The following CCSER1 variants were observed in gnomAD, a reference collection of about 807,000 sequenced individuals.
CCSER1 encodes the protein serine-rich coiled-coil domain-containing protein 1.
In CCSER1, 41 loss-of-function variants were observed where a neutral mutation model predicts 82.0. That is an observed-to-expected ratio of 0.50 (90% confidence interval 0.39 to 0.65). The LOEUF (loss-of-function observed/expected upper bound fraction) is 0.65. Among genes scored for constraint, CCSER1 ranks in the 30% least tolerant of loss-of-function variants. CCSER1 has a pLI of 0.00. For synonymous variants in CCSER1, 414 were observed against 383.9 expected, an observed-to-expected ratio of 1.08 and a Z score of -0.92; for missense variants, 1,119 against 1,064.2, an observed-to-expected ratio of 1.05 and a Z score of -0.72.
chr4:90,425,222 T>G (rs767927465), intron 4 of CCSER1, among the ~76,000 whole-genome samples: 2 of 152,178 alleles, frequency 1.3e-5, no homozygotes. Context: ...CTTTCATGAT[T>G]AGTATTTATT....
At chr4:90,745,703 T>G (rs1393710794) in intron 7 of CCSER1, among the ~76,000 whole-genome samples, 3 of 111,710 alleles carry the variant, frequency 2.7e-5, no homozygotes, top group African/African-American at 1.1e-4. Context: ...TTTTTTTTTT[T>G]TTTTGAGACG....
intron 7 of CCSER1, chr4:90,725,060 A>G (rs1412895637): frequency 7.2e-6 from 3 of 417,288 alleles, no homozygotes; most frequent in Non-Finnish European, 1.4e-5. Context: ...TAAATACTGA[A>G]TGATATTCTG....
rs181275581 is a variant in CCSER1, at chr4:90,213,784, T to A, written c.-42+85953T>A. 5.3e-5 allele frequency among the ~76,000 whole-genome samples: 8 copies of A among 152,284 alleles called. No homozygotes were observed. The East Asian group carries it at 1.2e-3, about 22-fold the overall frequency. ...AGGTGAGGACTGAATTTAGCAGTGG[T>A]CTTAGCAATATGAAGATCATTCATT... On this transcript the variant is annotated intron_variant, in intron 1 of 10. Coordinates refer to ENST00000509176, the MANE Select transcript of CCSER1 (RefSeq NM_001145065.2).
intron 10 of CCSER1, among the ~76,000 whole-genome samples, chr4:91,503,215 G>T (rs1032057870): frequency 1.3e-5 from 2 of 151,722 alleles, no homozygotes; most frequent in Non-Finnish European, 2.9e-5. Flanking sequence ...GGTGGCGGGC[G>T]CCTGTGGTCC....
chr4:90,810,644 TCAACAACAA>T lies in CCSER1; in HGVS notation c.2011-5089_2011-5081del, dbSNP rs34797230. On this transcript the variant is annotated intron_variant, in intron 7 of 10. Transcript: ENST00000509176. ...TGGGCAACAAGAGCGAGACTCCCTC[TCAACAACAA>T]CAACAACAACAACAACAACAACAAC... Among the ~76,000 whole-genome samples the T allele has an allele frequency of 2.9e-4, 37 of 128,550 alleles. No homozygotes were observed. In the East Asian group the frequency reaches 3.1e-3, roughly 11 times the overall value. The allele number at this position is 128,550 out of a possible 152,430, so 84.3% of individuals were successfully genotyped here. A position where few individuals can be genotyped will look rare whatever the true frequency, so the allele number is the denominator to read the frequency against.
chr4:91,251,079 A>T lies in CCSER1; in HGVS notation c.2217+165085A>T, dbSNP rs1339654401. On this transcript the variant is annotated intron_variant, in intron 10 of 10. Transcript: ENST00000509176. Reference sequence around the variant, plus strand: ...ATTGTCCTCACTATAGAGAGGAAGAACACTGAAACAATGAGAATCTGTCAA... The same window carrying T: ...ATTGTCCTCACTATAGAGAGGAAGATCACTGAAACAATGAGAATCTGTCAA... Among the ~76,000 whole-genome samples, 3 of 152,204 alleles carry T rather than the reference A, an allele frequency of 2.0e-5. No homozygotes were observed. The East Asian group carries it at 5.8e-4, about 29-fold the overall frequency.
intron 5 of CCSER1, among the ~76,000 whole-genome samples, chr4:90,560,263 A>G (rs1489985180): frequency 6.6e-6 from 1 of 151,998 alleles, no homozygotes; most frequent in Non-Finnish European, 1.5e-5. Flanking sequence ...GAGAATATCC[A>G]AATATTCTCT....
intron 10 of CCSER1, among the ~76,000 whole-genome samples, chr4:91,143,202 G>C (rs150724699): frequency 6.7e-6 from 1 of 149,904 alleles, no homozygotes; most frequent in African/African-American, 2.4e-5. Flanking sequence ...TCACCTCCTT[G>C]GTTAGATGTG....
At chr4:91,538,559 A>T (rs1379441840) in intron 10 of CCSER1, among the ~76,000 whole-genome samples, 1 of 151,488 alleles carries the variant, frequency 6.6e-6, no homozygotes, top group Non-Finnish European at 1.5e-5. Flanking sequence ...ACAGACATAG[A>T]GAGGTACACC....
intron 5 of CCSER1, among the ~76,000 whole-genome samples, chr4:90,531,088 G>T (rs1024242119): frequency 3.3e-5 from 5 of 151,998 alleles, no homozygotes; most frequent in African/African-American, 1.2e-4. Context: ...TGTAACATCT[G>T]TGAATTAGTT....
chr4:90,198,277 A>G (rs1166949127), intron 1 of CCSER1, among the ~76,000 whole-genome samples: 1 of 152,028 alleles, frequency 6.6e-6, no homozygotes, highest in Non-Finnish European at 1.5e-5. Flanking sequence ...TTCCCCTGGC[A>G]AATACTCCCC....
intron 5 of CCSER1, among the ~76,000 whole-genome samples, chr4:90,498,599 T>C (rs1184644495): frequency 6.6e-6 from 1 of 152,188 alleles, no homozygotes; most frequent in Admixed American, 6.5e-5. Flanking sequence ...TATAATGGCA[T>C]GATTATTCCA....
chr4:91,233,075 C>T (rs891189888), intron 10 of CCSER1, among the ~76,000 whole-genome samples: 40 of 151,406 alleles, frequency 2.6e-4, no homozygotes, highest in Non-Finnish European at 5.0e-4. Flanking sequence ...ATATGCTTCT[C>T]TGTTTGGAGT....
chr4:91,260,256 ATC>A (rs1214624695), intron 10 of CCSER1, among the ~76,000 whole-genome samples: 3 of 152,198 alleles, frequency 2.0e-5, no homozygotes, highest in Admixed American at 6.5e-5. Flanking sequence ...GACAGTAATT[ATC>A]CAACAGCATA....
At chr4:91,537,791 G>GTA (rs947287823) in intron 10 of CCSER1, among the ~76,000 whole-genome samples, 1 of 149,698 alleles carries the variant, frequency 6.7e-6, no homozygotes, top group Non-Finnish European at 1.5e-5. Context: ...GGAGTACAGA[G>GTA]TATATATATT....
chr4:90,541,425 A>C (rs1776094829), intron 5 of CCSER1, among the ~76,000 whole-genome samples: 1 of 152,092 alleles, frequency 6.6e-6, no homozygotes, highest in African/African-American at 2.4e-5. Context: ...GCCCCGATTT[A>C]GCTGTTGGCC....
rs541076838 is a variant in CCSER1 at position 90,521,311 on chromosome 4, G to A, written c.1724+52957G>A. On this transcript the variant is annotated intron_variant, in intron 5 of 10. Coordinates refer to ENST00000509176, the MANE Select transcript of CCSER1 (RefSeq NM_001145065.2). ...GTAAAGAAGGACAAAAGGACCAATT[G>A]TGATGAATGTGGTTATGACAGTGCA... Among the ~76,000 whole-genome samples, 6 of 152,308 alleles carry A rather than the reference G, an allele frequency of 3.9e-5. No individual in the cohort carries two copies. The East Asian group carries it at 1.2e-3, about 29-fold the overall frequency.
intron 5 of CCSER1, among the ~76,000 whole-genome samples, chr4:90,566,937 T>C (rs1290016926): frequency 6.6e-6 from 1 of 152,018 alleles, no homozygotes; most frequent in Non-Finnish European, 1.5e-5. Context: ...GTATCAATTG[T>C]AACGTCTCCT....
At position 91,377,199 on chromosome 4, in the gene CCSER1, G is replaced by A. The variant is rs148193896; in HGVS notation, c.2218-221373G>A. Among the ~76,000 whole-genome samples the A allele has an allele frequency of 3.9e-3, 588 of 152,110 alleles. 2 individuals carry two copies. The highest frequency in any genetic ancestry group is 0.013 in the African/African-American group (560 of 41,502). ...AGTCTTTGCTATTGTGAATAGTGCC[G>A]CAATAAACATACATGTGCATGTGTC... is the stretch of plus-strand genomic sequence containing the variant. On this transcript the variant is annotated intron_variant, in intron 10 of 10. Transcript: ENST00000509176.
Sources: allele counts gnomAD v4.1 joint callset (sites outside exome capture counted in the v4.1 genomes callset), GRCh38; gene constraint gnomAD v4.1.1; transcripts MANE v1.5; gene names NCBI Gene and HGNC (gene_info 2026-07-23, HGNC 2026-07-21).